The following DAB1 variants were observed in gnomAD, a reference collection of about 807,000 sequenced individuals.
The protein encoded by DAB1 is DAB adaptor protein 1.
In DAB1, 15 loss-of-function variants were observed where a neutral mutation model predicts 64.6. The ratio of observed to expected loss-of-function variants is 0.23; its 90% CI spans 0.16 to 0.36. DAB1 has a LOEUF of 0.36. Among genes scored for constraint, DAB1 ranks in the 10% least tolerant of loss-of-function variants. DAB1 has a pLI of 1.00. For synonymous variants in DAB1, 235 were observed against 251.9 expected, an observed-to-expected ratio of 0.93 and a Z score of 0.64; for missense variants, 596 against 706.7, an observed-to-expected ratio of 0.84 and a Z score of 1.78.
intron 4 of DAB1, among the ~76,000 whole-genome samples, chr1:58,342,918 C>T (rs184564251): frequency 6.6e-6 from 1 of 152,278 alleles, no homozygotes; most frequent in African/African-American, 2.4e-5. Flanking sequence ...CCACACTACA[C>T]CCCAAGTGTT....
intron 4 of DAB1, among the ~76,000 whole-genome samples, chr1:58,228,154 T>C (rs1659588021): frequency 6.6e-6 from 1 of 152,136 alleles, no homozygotes; most frequent in African/African-American, 2.4e-5. Context: ...CTGTGCAGTA[T>C]AGTCGGTTCA....
At chr1:57,108,476 C>T (rs1655367538) in intron 4 of DAB1, among the ~76,000 whole-genome samples, 1 of 152,194 alleles carries the variant, frequency 6.6e-6, no homozygotes, top group Admixed American at 6.5e-5. Context: ...CTAGCTTCTT[C>T]CTACTCATCC....
At chr1:58,101,409 C>T (rs953078342) in intron 5 of DAB1, among the ~76,000 whole-genome samples, 2 of 152,146 alleles carry the variant, frequency 1.3e-5, no homozygotes, top group African/African-American at 4.8e-5. Flanking sequence ...TCGTATGGGA[C>T]AAGGCACTCA....
At chr1:58,054,517 A>G (rs1357968394) in intron 5 of DAB1, among the ~76,000 whole-genome samples, 3 of 152,214 alleles carry the variant, frequency 2.0e-5, no homozygotes, top group Non-Finnish European at 4.4e-5. Flanking sequence ...AGAAACCTGC[A>G]TCTCCTAACT....
intron 4 of DAB1, among the ~76,000 whole-genome samples, chr1:58,204,679 AGTT>A (rs1354765003): frequency 2.0e-5 from 3 of 152,186 alleles, no homozygotes; most frequent in Non-Finnish European, 4.4e-5. Context: ...TCATTTTTGT[AGTT>A]GTTTGAAGGC....
At chr1:57,266,858 A>G (rs1670625775) in intron 2 of DAB1, among the ~76,000 whole-genome samples, 1 of 152,182 alleles carries the variant, frequency 6.6e-6, no homozygotes, top group Non-Finnish European at 1.5e-5. Context: ...ATATAATTCT[A>G]TCATCCACAA....
intron 1 of DAB1, among the ~76,000 whole-genome samples, chr1:57,850,218 T>C (rs1653456777): frequency 6.6e-6 from 1 of 152,186 alleles, no homozygotes; most frequent in Non-Finnish European, 1.5e-5. Flanking sequence ...GCCTTCAGAT[T>C]TGCACCTCAG....
chr1:57,326,150 A>C (rs1232486185), intron 1 of DAB1, among the ~76,000 whole-genome samples: 3 of 152,232 alleles, frequency 2.0e-5, no homozygotes, highest in African/African-American at 7.2e-5. Flanking sequence ...ACTTAAAGCT[A>C]CACCATAAGG....
intron 6 of DAB1, among the ~76,000 whole-genome samples, chr1:57,756,363 G>A (rs1404427979): frequency 6.6e-6 from 1 of 152,184 alleles, no homozygotes; most frequent in Non-Finnish European, 1.5e-5. Context: ...GGAGAAAGGT[G>A]TAGTGCAGTG....
chr1:57,452,031 G>T (rs141511333), intron 7 of DAB1, among the ~76,000 whole-genome samples: 21 of 152,110 alleles, frequency 1.4e-4, no homozygotes, highest in African/African-American at 4.6e-4. Context: ...TTGAAAGACG[G>T]CATATTCTTC....
intron 6 of DAB1, among the ~76,000 whole-genome samples, chr1:57,713,585 G>C (rs138073841): frequency 6.6e-6 from 1 of 152,138 alleles, no homozygotes; most frequent in Non-Finnish European, 1.5e-5. Flanking sequence ...AATGCAAATT[G>C]GTTGTTAGAG....
At chr1:57,700,652 A>G (rs1481063936) in intron 6 of DAB1, among the ~76,000 whole-genome samples, 1 of 152,072 alleles carries the variant, frequency 6.6e-6, no homozygotes, top group African/African-American at 2.4e-5. Flanking sequence ...TTATTTTTAT[A>G]TGCCTTGAGT....
intron 2 of DAB1, among the ~76,000 whole-genome samples, chr1:57,220,609 CTCAA>C (rs1666790226): frequency 6.6e-6 from 1 of 152,216 alleles, no homozygotes; most frequent in South Asian, 2.1e-4. Flanking sequence ...ACAGACACTT[CTCAA>C]AAGAAGACAT....
rs1557427566 is a variant in DAB1 at position 57,695,273 on chromosome 1, G to GGAGAGAGA, written n.552-45609_552-45608insTCTCTCTC. On this transcript the variant is annotated intron_variant and non_coding_transcript_variant, in intron 6 of 20. Transcript: ENST00000485760. Reference sequence around the variant, plus strand: ...AGAAAGAAAGAAGGAAGGAAGGAAGGAAGGAAGGAAGAAAGGGAGAGAGAA... The same window carrying GGAGAGAGA: ...AGAAAGAAAGAAGGAAGGAAGGAAGGGAGAGAGAAAGGAAGGAAGAAAGGGAGAGAGAA... 1.9e-3 allele frequency among the ~76,000 whole-genome samples: 142 copies of GGAGAGAGA among 76,478 alleles called. 28 individuals are homozygous for GGAGAGAGA. Among genetic ancestry groups the GGAGAGAGA allele is most frequent in the Middle Eastern group, 0.012 (2 of 166 alleles). 50.2% of individuals were successfully genotyped at this position (76,478 alleles called of 152,430 possible).
chr1:57,356,136 T>C (rs893916265), intron 1 of DAB1, among the ~76,000 whole-genome samples: 1 of 152,128 alleles, frequency 6.6e-6, no homozygotes, highest in African/African-American at 2.4e-5. Context: ...GAGCAGTGTT[T>C]AGCACATAGT....
intron 5 of DAB1, among the ~76,000 whole-genome samples, chr1:58,133,729 T>C (rs1042480614): frequency 2.0e-5 from 3 of 152,350 alleles, no homozygotes; most frequent in Non-Finnish European, 4.4e-5. Flanking sequence ...CAAGTAAGCA[T>C]AGGTCACTCT....
At chr1:57,612,799 C>T (rs1049152447) in intron 7 of DAB1, among the ~76,000 whole-genome samples, 4 of 152,120 alleles carry the variant, frequency 2.6e-5, no homozygotes, top group African/African-American at 9.7e-5. Flanking sequence ...CACCCCCCAA[C>T]TAGAATGTAA....
intron 5 of DAB1, among the ~76,000 whole-genome samples, chr1:58,138,763 T>C (rs1350213403): frequency 5.3e-5 from 8 of 151,968 alleles, no homozygotes; most frequent in Non-Finnish European, 1.0e-4. Context: ...GTAATGTTTA[T>C]GGGGTAGAAA....
At chr1:57,142,307 T>C (rs916703655) in intron 3 of DAB1, among the ~76,000 whole-genome samples, 1 of 145,104 alleles carries the variant, frequency 6.9e-6, no homozygotes, top group African/African-American at 2.4e-5. Context: ...AAGTGGGCCT[T>C]TTTGGAAGGG....
Sources: gnomAD v4.1 joint callset for allele counts (sites outside exome capture counted in the v4.1 genomes callset) on GRCh38, gnomAD v4.1.1 for gene constraint, MANE v1.5 for transcripts, NCBI Gene and HGNC (gene_info 2026-07-23, HGNC 2026-07-21) for gene names.